The following SRPK2 variants were observed in gnomAD, a reference collection of about 807,000 sequenced individuals.
The protein encoded by SRPK2 is SFRS protein kinase 2.
A neutral mutation model predicts 90.8 loss-of-function variants in SRPK2; 21 were observed. That is an observed-to-expected ratio of 0.23 (90% CI 0.16 to 0.33). SRPK2 has a LOEUF of 0.33. Among genes scored for constraint, SRPK2 ranks in the 10% least tolerant of loss-of-function variants. SRPK2 has a pLI of 1.00. For synonymous variants in SRPK2, 288 were observed against 311.1 expected, an observed-to-expected ratio of 0.93 and a Z score of 0.78; for missense variants, 620 against 869.0, an observed-to-expected ratio of 0.71 and a Z score of 3.60.
intron 15 of SRPK2, chr7:105,125,963 C>T (rs777011919): frequency 1.4e-6 from 1 of 729,044 alleles, no homozygotes; most frequent in African/African-American, 1.8e-5. Context: ...CCCGCGCAGA[C>T]AGAAACAGAG....
At chr7:105,217,316 A>G (rs1288208325) in intron 2 of SRPK2, among the ~76,000 whole-genome samples, 1 of 152,246 alleles carries the variant, frequency 6.6e-6, no homozygotes, top group South Asian at 2.1e-4. Flanking sequence ...GAGAAAAAAA[A>G]AGATTTAAAG....
At chr7:105,392,144 A>T (rs1433019940), upstream of SRPK2, among the ~76,000 whole-genome samples, 8 of 152,246 alleles carry the variant, frequency 5.3e-5, no homozygotes, top group Non-Finnish European at 1.0e-4. Flanking sequence ...TGAGATATCC[A>T]GAATAGGCAA....
intron 2 of SRPK2, among the ~76,000 whole-genome samples, chr7:105,320,046 A>G (rs957108615): frequency 1.2e-4 from 19 of 152,148 alleles, no homozygotes; most frequent in Non-Finnish European, 2.8e-4. Flanking sequence ...AAATAATAAA[A>G]TGGTCTTTCC....
chr7:105,157,091 T>C (rs1365517474), intron 7 of SRPK2, among the ~76,000 whole-genome samples: 1 of 152,130 alleles, frequency 6.6e-6, no homozygotes, highest in Non-Finnish European at 1.5e-5. Context: ...GGATGGGCTG[T>C]ATGCACAGAG....
At chr7:105,343,442 C>A (rs998101650) in intron 2 of SRPK2, among the ~76,000 whole-genome samples, 4 of 152,018 alleles carry the variant, frequency 2.6e-5, no homozygotes, top group East Asian at 3.9e-4. Flanking sequence ...TCAAAAAAAA[C>A]AACAACAAAA....
At chr7:105,386,498 G>T (rs890277531) in intron 2 of SRPK2, among the ~76,000 whole-genome samples, 2 of 152,098 alleles carry the variant, frequency 1.3e-5, no homozygotes, top group African/African-American at 2.4e-5. Context: ...TGAATCACCT[G>T]AAGTCAGGAG....
chr7:105,159,771 C>T (rs1205407797), intron 7 of SRPK2, among the ~76,000 whole-genome samples: 1 of 152,176 alleles, frequency 6.6e-6, no homozygotes, highest in African/African-American at 2.4e-5. Flanking sequence ...CTGAACAAAA[C>T]ACACATCTAA....
At chr7:105,278,852 TA>T (rs59542934) in intron 2 of SRPK2, among the ~76,000 whole-genome samples, 27,522 of 151,958 alleles carry the variant, frequency 0.18, 3,117 homozygotes, top group East Asian at 0.58. Context: ...TGCTCTTCAT[TA>T]TGGCTGCATT....
chr7:105,243,923 G>GA (rs759192299), intron 2 of SRPK2, among the ~76,000 whole-genome samples: 2 of 152,214 alleles, frequency 1.3e-5, no homozygotes, highest in Non-Finnish European at 2.9e-5. Context: ...AAATGGAAGA[G>GA]AAACAGCCAA....
At chr7:105,246,123 T>C (rs980500354) in intron 2 of SRPK2, among the ~76,000 whole-genome samples, 7 of 152,212 alleles carry the variant, frequency 4.6e-5, no homozygotes, top group Non-Finnish European at 1.0e-4. Context: ...AATTCTATTC[T>C]TACATAGACC....
intron 3 of SRPK2, among the ~76,000 whole-genome samples, chr7:105,184,370 C>A (rs1793301482): frequency 6.6e-6 from 1 of 152,090 alleles, no homozygotes; most frequent in South Asian, 2.1e-4. Flanking sequence ...TAATCCAAAC[C>A]ACTGTTACAA....
chr7:105,232,107 A>G (rs968819711), intron 2 of SRPK2, among the ~76,000 whole-genome samples: 4 of 152,178 alleles, frequency 2.6e-5, no homozygotes, highest in African/African-American at 9.7e-5. Context: ...TCTTGCCTAT[A>G]TAATCTGCCT....
At chr7:105,332,496 T>C (rs1226216805) in intron 2 of SRPK2, among the ~76,000 whole-genome samples, 2 of 152,054 alleles carry the variant, frequency 1.3e-5, no homozygotes, top group Non-Finnish European at 2.9e-5. Context: ...AGGCGCAGTG[T>C]CTCATGCCTG....
intron 2 of SRPK2, among the ~76,000 whole-genome samples, chr7:105,257,302 A>G (rs907479059): frequency 1.3e-5 from 2 of 152,246 alleles, no homozygotes; most frequent in African/African-American, 4.8e-5. Flanking sequence ...TGTTGAAAGT[A>G]GAGTTTTTAT....
intron 2 of SRPK2, among the ~76,000 whole-genome samples, chr7:105,240,187 C>G (rs1428538027): frequency 6.6e-6 from 1 of 152,172 alleles, no homozygotes; most frequent in African/African-American, 2.4e-5. Flanking sequence ...GGCCTTCCAG[C>G]TGTGTCCTCA....
At chr7:105,303,768 A>G (rs1036938406) in intron 2 of SRPK2, among the ~76,000 whole-genome samples, 1 of 152,200 alleles carries the variant, frequency 6.6e-6, no homozygotes, top group Non-Finnish European at 1.5e-5. Context: ...TGTCAAAGTA[A>G]TAACTCAATT....
upstream of SRPK2, among the ~76,000 whole-genome samples, chr7:105,391,319 C>T (rs1435734215): frequency 6.6e-6 from 1 of 152,124 alleles, no homozygotes; most frequent in East Asian, 1.9e-4. Flanking sequence ...GATTCTCCTG[C>T]CTCAACCCTC....
At chr7:105,261,022 T>TA (rs72277307) in intron 2 of SRPK2, among the ~76,000 whole-genome samples, 14,829 of 115,848 alleles carry the variant, frequency 0.13, 1,285 homozygotes, top group East Asian at 0.4. Context: ...CCCTAGAAAT[T>TA]AAAAAAAAAA....
chr7:105,358,448 G>T (rs1165848232), intron 2 of SRPK2, among the ~76,000 whole-genome samples: 3 of 152,146 alleles, frequency 2.0e-5, no homozygotes, highest in Non-Finnish European at 4.4e-5. Context: ...CACTTTGGAA[G>T]GCTGAAGCAA....
Sources: gnomAD v4.1 joint callset for allele counts (sites outside exome capture counted in the v4.1 genomes callset) on GRCh38, gnomAD v4.1.1 for gene constraint, MANE v1.5 for transcripts, NCBI Gene and HGNC (gene_info 2026-07-23, HGNC 2026-07-21) for gene names.